CRYBG3: variants seen among roughly 807,000 people sequenced by gnomAD.
CRYBG3 encodes crystallin beta-gamma domain containing 3.
A neutral mutation model predicts 244.2 loss-of-function variants in CRYBG3; 127 were observed. The ratio of observed to expected loss-of-function variants is 0.52; its 90% confidence interval spans 0.45 to 0.60. The LOEUF is 0.60. Ranked by LOEUF, CRYBG3 falls within the 20% of genes least tolerant of loss-of-function variation. CRYBG3 has a pLI of 0.00. For missense variants in CRYBG3, 3,325 were observed against 3,442.5 expected (o/e 0.97, Z 0.85); for synonymous variants, 1,132 against 1,195.8 (o/e 0.95, Z 1.10).
At chr3:97,911,345 G>T (rs1361683701) in intron 15 of CRYBG3, among the ~76,000 whole-genome samples, 1 of 151,978 alleles carries the variant, frequency 6.6e-6, no homozygotes, top group Non-Finnish European at 1.5e-5. Flanking sequence ...AATTTTTACG[G>T]GCTCTTTAAT....
chr3:97,892,000 T>A (rs974405805), intron 10 of CRYBG3, among the ~76,000 whole-genome samples: 6 of 152,220 alleles, frequency 3.9e-5, no homozygotes, highest in Admixed American at 3.9e-4. Flanking sequence ...TTAACTGGCC[T>A]GCTTTTGCTT....
In CRYBG3 at chr3:97,905,394, C is replaced by G. The variant is rs831889; in HGVS notation, c.8004+4909C>G. Among the ~76,000 whole-genome samples the G allele has an allele frequency of 2.4e-3, 372 of 151,906 alleles. 3 individuals carry two copies. In the East Asian group the frequency reaches 0.025, roughly 10 times the overall value. On this transcript the variant is annotated intron_variant, in intron 15 of 21. Transcript: ENST00000389622. ...AAGTGTTCCTATTTCTTCACATCCT[C>G]TCCAGCACCTGTTGTTTCCTGACTT...
At chr3:97,870,966 T>C (rs1218061297) in intron 3 of CRYBG3, among the ~76,000 whole-genome samples, 14 of 152,170 alleles carry the variant, frequency 9.2e-5, no homozygotes, top group Admixed American at 9.2e-4. Context: ...AGTAGAGGGA[T>C]AGGTTTGCAG....
chr3:97,937,730 C>T (rs1436331568), intron 19 of CRYBG3, among the ~76,000 whole-genome samples: 1 of 152,034 alleles, frequency 6.6e-6, no homozygotes, highest in Non-Finnish European at 1.5e-5. Context: ...CATTGCTCTA[C>T]CCCTAGTGCC....
chr3:97,942,526 CTTATGTATAAGAGAAATGTTAAGTCAT>C, intron 21 of CRYBG3, 83 bp downstream of exon 21: 1 of 1,215,260 alleles, frequency 8.2e-7, no homozygotes, highest in Non-Finnish European at 1.1e-6. Context: ...AAAGGACATC[CTTATGTATAAGAGAAATGTTAAGTCAT>C]TTAAAATTAT....
At position 97,899,022 on chromosome 3, in the gene CRYBG3, G is replaced by A. The variant is rs1336399845; in HGVS notation, c.7841G>A (p.Gly2614Glu). 6.2e-7 allele frequency: 1 copy of A among 1,610,450 alleles called. No individual in the cohort carries two copies. The highest frequency in any genetic ancestry group is 8.5e-7 in the Non-Finnish European group (1 of 1,178,868). The change falls in exon 13 of 22, where the codon GGA becomes GAA. Residue 2614 changes from glycine (G) to glutamate (E), a missense_variant. Gly to Glu is a moderately conservative substitution (Grantham distance 98, BLOSUM62 -2). Coordinates refer to ENST00000389622, the MANE Select transcript of CRYBG3 (RefSeq NM_153605.4). ...SKTRSIHVKS[G>E]VWVAYQQKFF... ...ACAAGATCCATTCATGTTAAAAGTG[G>A]AGTGTAAGTTGCCTCCTCTAAGAAC...
At chr3:97,886,493 C>A in intron 7 of CRYBG3, 138 bp from the exon 8 acceptor site, 1 of 604,648 alleles carries the variant, frequency 1.7e-6, no homozygotes, top group South Asian at 5.8e-5. Context: ...TGAGGAGAAA[C>A]AATATTTCCT....
At chr3:97,882,231 A>G (rs1318364249) in intron 7 of CRYBG3, among the ~76,000 whole-genome samples, 6 of 151,822 alleles carry the variant, frequency 4.0e-5, no homozygotes, top group Non-Finnish European at 8.8e-5. Flanking sequence ...TAATAATAAT[A>G]GCAGCACAGT....
intron 1 of CRYBG3, among the ~76,000 whole-genome samples, chr3:97,825,513 G>T (rs2038566672): frequency 6.6e-6 from 1 of 152,186 alleles, no homozygotes; most frequent in Non-Finnish European, 1.5e-5. Context: ...TTTACGATCT[G>T]ACAATTGAAG....
chr3:97,839,774 A>G (rs2038786752), intron 1 of CRYBG3, among the ~76,000 whole-genome samples: 1 of 150,222 alleles, frequency 6.7e-6, no homozygotes, highest in African/African-American at 2.5e-5. Context: ...TTTTGTCAAG[A>G]CAAGGTTGCC....
In CRYBG3 at chr3:97,872,188, C is replaced by T. The variant is rs2039312984; in HGVS notation, c.994C>T (p.Leu332Phe). 2 of 1,535,608 alleles carry T rather than the reference C, an allele frequency of 1.3e-6. No individual in the cohort carries two copies. Among genetic ancestry groups the T allele is most frequent in the East Asian group, 2.4e-5 (1 of 40,912 alleles). Reference protein sequence around the residue: ...ELQNIASSNNLLNKNAWGSIE... With the variant: ...ELQNIASSNNFLNKNAWGSIE... ...GCAGAATATTGCCTCTTCCAATAAT[C>T]TTTTAAATAAAAATGCTTGGGGGAG... Residue 332 changes from leucine (L) to phenylalanine (F), a missense_variant, in exon 4 of 22, where the codon CTT becomes TTT. By Grantham distance (22) the Leu-to-Phe change is conservative. This residue lies in a region of CRYBG3 where 1,526 missense variants were observed against 1,443.2 expected (regional missense o/e 1.06). Coordinates refer to ENST00000389622, the MANE Select transcript of CRYBG3 (RefSeq NM_153605.4).
intron 1 of CRYBG3, among the ~76,000 whole-genome samples, chr3:97,829,189 C>T (rs575601648): frequency 7.2e-5 from 11 of 152,178 alleles, no homozygotes; most frequent in African/African-American, 2.2e-4. Context: ...AGAGAGAATG[C>T]ACTACATTAA....
At chr3:97,871,380 T>C (rs2039300102) in intron 3 of CRYBG3, among the ~76,000 whole-genome samples, 1 of 152,186 alleles carries the variant, frequency 6.6e-6, no homozygotes, top group Non-Finnish European at 1.5e-5. Flanking sequence ...TGCTAAACAT[T>C]GCTGTTCAAA....
chr3:97,904,949 T>A (rs2039752138), intron 15 of CRYBG3, among the ~76,000 whole-genome samples: 3 of 143,304 alleles, frequency 2.1e-5, no homozygotes, highest in African/African-American at 7.8e-5. Flanking sequence ...CCATGTGATC[T>A]CATTGTTCAG....
intron 15 of CRYBG3, among the ~76,000 whole-genome samples, chr3:97,904,792 G>C (rs1165817111): frequency 1.3e-5 from 2 of 148,490 alleles, no homozygotes; most frequent in Non-Finnish European, 3.0e-5. Context: ...CCTTGTGCAG[G>C]TTAGTTACAT....
chr3:97,874,212 T>C lies in CRYBG3; in HGVS notation c.3018T>C (p.Asn1006=), dbSNP rs1559727968. The C allele has an allele frequency of 3.3e-6, 5 of 1,533,948 alleles. No homozygotes were observed. Among genetic ancestry groups the C allele is most frequent in the African/African-American group, 1.4e-5 (1 of 72,990 alleles). The change falls in exon 4 of 22, where the codon AAT becomes AAC. Residue 1006 remains asparagine, a synonymous_variant. Coordinates refer to ENST00000389622, the MANE Select transcript of CRYBG3 (RefSeq NM_153605.4). ...KFQETGSMKV[N]SPFLDSDSSL... is the part of the protein sequence containing the mutation. Reference sequence around the variant, plus strand: ...AAGAAACTGGCAGCATGAAAGTAAATTCACCTTTTCTGGATTCTGATTCCA... The same window carrying C: ...AAGAAACTGGCAGCATGAAAGTAAACTCACCTTTTCTGGATTCTGATTCCA...
At chr3:97,888,997 A>G (rs1362309917) in intron 9 of CRYBG3, among the ~76,000 whole-genome samples, 1 of 152,196 alleles carries the variant, frequency 6.6e-6, no homozygotes, top group East Asian at 1.9e-4. Flanking sequence ...GAGATTTCTA[A>G]GTTTACTAGC....
intron 1 of CRYBG3, among the ~76,000 whole-genome samples, chr3:97,824,622 T>C (rs891129560): frequency 2.6e-5 from 4 of 152,168 alleles, no homozygotes; most frequent in African/African-American, 9.7e-5. Flanking sequence ...CTTCAGTTGG[T>C]GACAACACTT....
intron 2 of CRYBG3, among the ~76,000 whole-genome samples, chr3:97,851,198 T>G (rs1033435299): frequency 6.6e-6 from 1 of 151,632 alleles, no homozygotes; most frequent in African/African-American, 2.4e-5. Flanking sequence ...AATAATAAAC[T>G]AATAAAGCAT....
Sources: allele counts gnomAD v4.1 joint callset (sites outside exome capture counted in the v4.1 genomes callset), GRCh38; gene constraint gnomAD v4.1.1; regional missense constraint gnomAD v4.1.1; transcripts MANE v1.5; gene names NCBI Gene and HGNC (gene_info 2026-07-23, HGNC 2026-07-21).